TTC5: variants seen among roughly 807,000 people sequenced by gnomAD.
TTC5 encodes the protein tetratricopeptide repeat protein 5.
A neutral mutation model predicts 57.4 loss-of-function variants in TTC5; 46 were observed. That is an observed-to-expected ratio of 0.80 (90% CI 0.63 to 1.03). The LOEUF is 1.03. Ranked by LOEUF, TTC5 falls within the 50% of genes least tolerant of loss-of-function variation. The probability of loss-of-function intolerance (pLI) is 0.00; values close to 1 mark genes in which losing one functional copy is unlikely to be tolerated. For synonymous variants in TTC5, 190 were observed against 203.5 expected, an observed-to-expected ratio of 0.93 and a Z score of 0.57; for missense variants, 504 against 528.1, an observed-to-expected ratio of 0.95 and a Z score of 0.45.
chr14:20,303,538 C>G (rs776229217), intron 1 of TTC5, among the ~76,000 whole-genome samples: 24 of 152,346 alleles, frequency 1.6e-4, no homozygotes, highest in Middle Eastern at 3.4e-3. Flanking sequence ...ATCCACCTGT[C>G]TCCATCCCAC....
At chr14:20,304,865 G>C (rs1321621362) in intron 1 of TTC5, among the ~76,000 whole-genome samples, 2 of 151,890 alleles carry the variant, frequency 1.3e-5, no homozygotes, top group African/African-American at 4.8e-5. Context: ...ATTTTTTCAT[G>C]GCAAAATCAA....
In TTC5 at chr14:20,300,632, G is replaced by A; in HGVS notation, c.371C>T (p.Thr124Ile). ...ATGGGTGAGGGCTCCTGAGAAGCAGGTGTGGGCAGCTGCAACATCCCCTTT... is the reference window on the plus strand; with the variant it reads ...ATGGGTGAGGGCTCCTGAGAAGCAGATGTGGGCAGCTGCAACATCCCCTTT... The part of the protein sequence containing the change: ...WKKGDVAAAH[T>I]CFSGALTHCR... Residue 124 changes from threonine to isoleucine, a missense_variant, in exon 3 of 10, where the codon ACC becomes ATC. Physicochemically the swap from Thr to Ile is moderately conservative, Grantham distance 89. Coordinates refer to ENST00000258821, the MANE Select transcript of TTC5 (RefSeq NM_138376.3). 6 of 1,613,170 alleles carry A rather than the reference G, an allele frequency of 3.7e-6. No individual in the cohort carries two copies. The highest frequency in any genetic ancestry group is 5.1e-6 in the Non-Finnish European group (6 of 1,179,926).
chr14:20,301,473 T>C (rs752514823), intron 2 of TTC5, among the ~76,000 whole-genome samples: 3 of 151,560 alleles, frequency 2.0e-5, no homozygotes, highest in Admixed American at 6.6e-5. Context: ...TAAAGATACC[T>C]GAGCAAAAAG....
At chr14:20,292,722 C>G (rs938037641) in intron 8 of TTC5, 2 of 152,190 alleles carry the variant, frequency 1.3e-5, no homozygotes, top group Non-Finnish European at 2.9e-5. Context: ...TAGCTTTTCC[C>G]TTGTGCTGAA....
chr14:20,295,592 C>A, intron 7 of TTC5, 66 bp from the exon 8 acceptor site: 1 of 1,558,950 alleles, frequency 6.4e-7, no homozygotes, highest in Non-Finnish European at 8.7e-7. Flanking sequence ...TCTAATCCTT[C>A]CCTCCCACCC....
chr14:20,304,188 A>G (rs757036825), intron 1 of TTC5, among the ~76,000 whole-genome samples: 40 of 152,164 alleles, frequency 2.6e-4, no homozygotes, highest in Non-Finnish European at 3.4e-4. Context: ...GGGACTTGGG[A>G]CATGATAGGC....
intron 8 of TTC5, chr14:20,294,038 G>A (rs1882012864): frequency 6.6e-6 from 1 of 152,162 alleles, no homozygotes; most frequent in Non-Finnish European, 1.5e-5. Context: ...TAGACAGGAT[G>A]GAGAAGAATC....
rs1370918875 is a variant in TTC5 at position 20,286,821 on chromosome 14, A to G, written c.*2806T>C. On this transcript the variant is annotated 3_prime_UTR_variant, in exon 10 of 10. Transcript: ENST00000258821. ...GAATATATAAATCAATTTGACATCC[A>G]ATACAGCAGTGTGCAAAGACTCGAA... 6.6e-6 allele frequency: 1 copy of G among 152,186 alleles called. No homozygotes were observed. Among genetic ancestry groups the G allele is most frequent in the East Asian group, 1.9e-4 (1 of 5,202 alleles). 9.4% of individuals were successfully genotyped at this position (152,186 alleles called of 1,614,324 possible). A position where few individuals can be genotyped will look rare whatever the true frequency, so the allele number is the denominator to read the frequency against.
intron 1 of TTC5, chr14:20,305,573 C>A: frequency 2.4e-6 from 1 of 411,336 alleles, no homozygotes; most frequent in East Asian, 4.2e-5. Flanking sequence ...AGATCTGCCA[C>A]ACACATGTAT....
chr14:20,289,864 C>T lies in TTC5; in HGVS notation c.1204-118G>A. The T allele has an allele frequency of 4.6e-6, 5 of 1,090,782 alleles. No individual in the cohort carries two copies. The South Asian group carries it at 6.1e-5, about 13-fold the overall frequency. 67.6% of individuals were successfully genotyped at this position (1,090,782 alleles called of 1,614,324 possible). A position where few individuals can be genotyped will look rare whatever the true frequency, so the allele number is the denominator to read the frequency against. On this transcript the variant is annotated intron_variant, in intron 9 of 9. Coordinates refer to ENST00000258821, the MANE Select transcript of TTC5 (RefSeq NM_138376.3). ...CCTCCCCTGTTGTATACCCCCTCTA[C>T]TTCCATCTCACATCAGACAAAACTG...
rs1295778466 is a variant in TTC5 at position 20,287,613 on chromosome 14, T to A, written c.*2014A>T. 6.6e-6 allele frequency: 1 copy of A among 152,194 alleles called. No homozygotes were observed. 9.4% of individuals were successfully genotyped at this position (152,194 alleles called of 1,614,324 possible). A position where few individuals can be genotyped will look rare whatever the true frequency, so the allele number is the denominator to read the frequency against. On this transcript the variant is annotated 3_prime_UTR_variant, in exon 10 of 10. Transcript: ENST00000258821. Reference sequence around the variant, plus strand: ...GGTATTCTAGTTATTCCTGAAACCGTATGTACAAATTTTGCATACTTACTT... The same window carrying A: ...GGTATTCTAGTTATTCCTGAAACCGAATGTACAAATTTTGCATACTTACTT...
At chr14:20,301,490 G>A (rs1313577949) in intron 2 of TTC5, among the ~76,000 whole-genome samples, 1 of 152,182 alleles carries the variant, frequency 6.6e-6, no homozygotes, top group East Asian at 1.9e-4. Flanking sequence ...AAAGGCAGAT[G>A]AGAGGATAAG....
At chr14:20,289,794 A>G in intron 9 of TTC5, 48 bp from the exon 10 acceptor site, 1 of 1,562,458 alleles carries the variant, frequency 6.4e-7, no homozygotes, top group South Asian at 1.2e-5. Flanking sequence ...CCAAGATGGA[A>G]AAAGCTCCAG....
At position 20,287,980 on chromosome 14, in the gene TTC5, T is replaced by C. The variant is rs964098329; in HGVS notation, c.*1647A>G. The C allele has an allele frequency of 6.6e-6, 1 of 152,216 alleles. No individual in the cohort carries two copies. The highest frequency in any genetic ancestry group is 6.5e-5 in the Admixed American group (1 of 15,282). The allele number at this position is 152,216 out of a possible 1,614,324, so 9.4% of individuals were successfully genotyped here. ...TGTCTCTTGCTACCATAGGTTTTTT[T>C]GGTGCAGTCCATGAAGAGTGTTCTT... On this transcript the variant is annotated 3_prime_UTR_variant, in exon 10 of 10. Coordinates refer to ENST00000258821, the MANE Select transcript of TTC5 (RefSeq NM_138376.3).
chr14:20,305,873 A>G lies in TTC5; in HGVS notation c.51+14T>C. The G allele has an allele frequency of 1.2e-6, 2 of 1,613,728 alleles. No individual in the cohort carries two copies. Among genetic ancestry groups the G allele is most frequent in the Non-Finnish European group, 1.7e-6 (2 of 1,179,704 alleles). On this transcript the variant is annotated intron_variant, in intron 1 of 9. Coordinates refer to ENST00000258821, the MANE Select transcript of TTC5 (RefSeq NM_138376.3). ...GTAACAAAAACACATACAGAATTTA[A>G]TCTACGGCCCCACCTGCAATTTCTG...
Position 20,300,632 on chromosome 14 carries a change from G to T in TTC5, c.371C>A (p.Thr124Asn), listed in dbSNP as rs777605028. The T allele has an allele frequency of 6.2e-7, 1 of 1,613,170 alleles. No individual in the cohort carries two copies. The highest frequency in any genetic ancestry group is 1.7e-5 in the Admixed American group (1 of 60,024). The change falls in exon 3 of 10, where the codon ACC becomes AAC. Residue 124 changes from threonine (T) to asparagine (N), a missense_variant. Thr to Asn is a moderately conservative substitution (Grantham distance 65). Coordinates refer to ENST00000258821, the MANE Select transcript of TTC5 (RefSeq NM_138376.3). ...WKKGDVAAAHTCFSGALTHCR... is the reference protein window; with the variant it reads ...WKKGDVAAAHNCFSGALTHCR... ...ATGGGTGAGGGCTCCTGAGAAGCAG[G>T]TGTGGGCAGCTGCAACATCCCCTTT...
chr14:20,301,967 T>TA lies in TTC5; in HGVS notation c.52-3dup, dbSNP rs541292257. The stretch of plus-strand genomic sequence containing the variant: ...TGAGTAGAGCTGATCCACGAGTTCC[T>TA]AAAAAGTATGACAATGGAACCATTA... On this transcript the variant is annotated splice_polypyrimidine_tract_variant and splice_region_variant and intron_variant, in intron 1 of 9. Transcript: ENST00000258821. The TA allele has an allele frequency of 1.2e-3, 1,955 of 1,613,876 alleles. 4 individuals carry two copies. The highest frequency in any genetic ancestry group is 1.6e-3 in the Non-Finnish European group (1,832 of 1,179,882).
rs1881842903 is a variant in TTC5 at position 20,286,561 on chromosome 14, CATAAA to C, written c.*3061_*3065del. ...TGAAAAAAATTATATCCGTACATAA[CATAAA>C]ATAAAGTCATACTGTAAGAAAAGGA... On this transcript the variant is annotated 3_prime_UTR_variant, in exon 10 of 10. Coordinates refer to ENST00000258821, the MANE Select transcript of TTC5 (RefSeq NM_138376.3). 6.6e-6 allele frequency: 1 copy of C among 151,898 alleles called. No individual in the cohort carries two copies. Among genetic ancestry groups the C allele is most frequent in the Non-Finnish European group, 1.5e-5 (1 of 67,956 alleles). The allele number at this position is 151,898 out of a possible 1,614,324, so 9.4% of individuals were successfully genotyped here.
At position 20,286,278 on chromosome 14, in the gene TTC5, C is replaced by A. The variant is rs1461822027; in HGVS notation, c.*3349G>T. ...AACATAATTTATAATGGATTAGTATCCAGAACATGTAAGGAATCAATAAGA... is the reference window on the plus strand; with the variant it reads ...AACATAATTTATAATGGATTAGTATACAGAACATGTAAGGAATCAATAAGA... On this transcript the variant is annotated 3_prime_UTR_variant, in exon 10 of 10. Transcript: ENST00000258821. 1 of 151,770 alleles carries A rather than the reference C, an allele frequency of 6.6e-6. No individual in the cohort carries two copies. Among genetic ancestry groups the A allele is most frequent in the Admixed American group, 6.6e-5 (1 of 15,234 alleles). The allele number at this position is 151,770 out of a possible 1,614,324, so 9.4% of individuals were successfully genotyped here. A position where few individuals can be genotyped will look rare whatever the true frequency, so the allele number is the denominator to read the frequency against.
Sources: allele counts gnomAD v4.1 joint callset (sites outside exome capture counted in the v4.1 genomes callset), GRCh38; gene constraint gnomAD v4.1.1; transcripts MANE v1.5; gene names NCBI Gene and HGNC (gene_info 2026-07-23, HGNC 2026-07-21).